Variants in FGD5 observed in about 807,000 individuals in gnomAD.
FGD5 encodes FYVE, RhoGEF and PH domain containing 5, also known as FYVE, RhoGEF and PH domain-containing protein 5.
In FGD5, 28 loss-of-function variants were observed where a neutral mutation model predicts 133.4. The observed-to-expected ratio is 0.21, with a 90% confidence interval of 0.16 to 0.29. The LOEUF (loss-of-function observed/expected upper bound fraction) is 0.29. Among genes scored for constraint, FGD5 ranks in the 10% least tolerant of loss-of-function variants. The probability of loss-of-function intolerance (pLI) is 1.00; values close to 1 mark genes in which losing one functional copy is unlikely to be tolerated. For synonymous variants in FGD5, 810 were observed against 776.5 expected, an observed-to-expected ratio of 1.04 and a Z score of -0.72; for missense variants, 1,858 against 1,895.2, an observed-to-expected ratio of 0.98 and a Z score of 0.36.
intron 11 of FGD5, among the ~76,000 whole-genome samples, chr3:14,913,471 C>A (rs1339736834): frequency 6.6e-6 from 1 of 152,180 alleles, no homozygotes; most frequent in Non-Finnish European, 1.5e-5. Context: ...GGGAGGCAGA[C>A]AGACCAGATG....
intron 18 of FGD5, among the ~76,000 whole-genome samples, chr3:14,926,771 A>G (rs532254941): frequency 6.6e-6 from 1 of 152,166 alleles, no homozygotes; most frequent in South Asian, 2.1e-4. Flanking sequence ...GCCCTGACCC[A>G]GGCTGAACCT....
intron 1 of FGD5, among the ~76,000 whole-genome samples, chr3:14,846,049 T>C (rs956199224): frequency 1.3e-5 from 2 of 152,200 alleles, no homozygotes; most frequent in Non-Finnish European, 2.9e-5. Flanking sequence ...AGTGACTGAT[T>C]GTTAGAAAAC....
chr3:14,907,604 C>T (rs915065556), intron 9 of FGD5, 36 bp from the exon 10 acceptor site: 4 of 1,600,856 alleles, frequency 2.5e-6, no homozygotes, highest in African/African-American at 2.7e-5. Context: ...GGTAGGGGCC[C>T]TGACCATCTC....
intron 1 of FGD5, among the ~76,000 whole-genome samples, chr3:14,846,066 C>T (rs1183388949): frequency 6.6e-6 from 1 of 152,152 alleles, no homozygotes; most frequent in East Asian, 1.9e-4. Context: ...AAACCTCTTC[C>T]CTATTTGATG....
At chr3:14,851,422 A>T (rs2037161173) in intron 1 of FGD5, among the ~76,000 whole-genome samples, 1 of 152,238 alleles carries the variant, frequency 6.6e-6, no homozygotes, top group African/African-American at 2.4e-5. Context: ...CCCAAAATGT[A>T]TGCCCTTTAC....
intron 4 of FGD5, among the ~76,000 whole-genome samples, chr3:14,892,097 C>G (rs891164215): frequency 6.6e-6 from 1 of 152,092 alleles, no homozygotes. Context: ...CTGGCCTTCA[C>G]TTGGGGAGAG....
intron 1 of FGD5, among the ~76,000 whole-genome samples, chr3:14,843,812 T>C (rs144040963): frequency 0.021 from 3,131 of 149,042 alleles, 97 homozygotes; most frequent in African/African-American, 0.073. Context: ...TGCCTCAACC[T>C]CCTGAGTAGC....
chr3:14,898,625 G>A (rs1445360241), intron 6 of FGD5, 114 bp from the exon 7 acceptor site: 1 of 833,980 alleles, frequency 1.2e-6, no homozygotes, highest in Non-Finnish European at 1.9e-6. Context: ...TGAGGGAGAA[G>A]TTCAGCTGGC....
At chr3:14,880,890 G>C in intron 4 of FGD5, 118 bp downstream of exon 4, 1 of 1,333,724 alleles carries the variant, frequency 7.5e-7, no homozygotes, top group East Asian at 2.5e-5. Context: ...CCTGGCAGCA[G>C]GCAGGCACTC....
At chr3:14,896,034 A>T (rs368607140) in intron 4 of FGD5, among the ~76,000 whole-genome samples, 1 of 152,228 alleles carries the variant, frequency 6.6e-6, no homozygotes, top group Non-Finnish European at 1.5e-5. Context: ...CCCATTTATC[A>T]TAGCTACAAA....
At chr3:14,890,459 A>G (rs971743427) in intron 4 of FGD5, among the ~76,000 whole-genome samples, 2 of 152,148 alleles carry the variant, frequency 1.3e-5, no homozygotes, top group African/African-American at 4.8e-5. Context: ...CTGAATGAAT[A>G]AAGGAATGAG....
intron 4 of FGD5, among the ~76,000 whole-genome samples, chr3:14,893,267 T>C (rs1242883980): frequency 6.6e-6 from 1 of 152,222 alleles, no homozygotes; most frequent in Admixed American, 6.5e-5. Context: ...ATCAGTGTAC[T>C]TGGAATATTT....
chr3:14,847,629 T>C (rs1212310633), intron 1 of FGD5, among the ~76,000 whole-genome samples: 1 of 152,230 alleles, frequency 6.6e-6, no homozygotes, highest in Non-Finnish European at 1.5e-5. Flanking sequence ...ACTGTTACTA[T>C]CCCTGCTTTA....
chr3:14,812,418 T>C (rs1437275979), intron 1 of FGD5, among the ~76,000 whole-genome samples: 1 of 152,220 alleles, frequency 6.6e-6, no homozygotes, highest in Non-Finnish European at 1.5e-5. Context: ...CGTTTCCAGT[T>C]TTCCCACGTT....
At chr3:14,874,875 A>G (rs2037685306) in intron 2 of FGD5, among the ~76,000 whole-genome samples, 1 of 152,204 alleles carries the variant, frequency 6.6e-6, no homozygotes, top group Admixed American at 6.5e-5. Flanking sequence ...ATGATCTGGA[A>G]ACTGACCAGC....
At chr3:14,847,292 C>T (rs2037068373) in intron 1 of FGD5, among the ~76,000 whole-genome samples, 1 of 152,182 alleles carries the variant, frequency 6.6e-6, no homozygotes, top group Admixed American at 6.5e-5. Context: ...TGAGATAGAG[C>T]AGGGTTTTAG....
intron 1 of FGD5, among the ~76,000 whole-genome samples, chr3:14,854,386 TC>T (rs771537027): frequency 7.0e-6 from 1 of 142,616 alleles, no homozygotes; most frequent in Non-Finnish European, 1.5e-5. Flanking sequence ...TTGTTTCTTT[TC>T]TTTTTATTTA....
rs752400662 is a variant in FGD5 at position 14,820,811 on chromosome 3, G to A, written c.1740G>A (p.Glu580=). Residue 580 remains glutamate (E), a synonymous_variant, in exon 1 of 20, where the codon GAG becomes GAA. Coordinates refer to ENST00000285046, the MANE Select transcript of FGD5 (RefSeq NM_152536.4). ...GLDDHRIKRK[E]DNLSLSCVIG... ...ATGACCACAGGATAAAGAGGAAAGA[G>A]GACAATCTCTCTCTGTCGTGTGTAA... The A allele has an allele frequency of 8.1e-6, 13 of 1,613,902 alleles. No homozygotes were observed. Among genetic ancestry groups the A allele is most frequent in the Non-Finnish European group, 8.5e-6 (10 of 1,179,864 alleles).
chr3:14,873,540 G>A (rs1030970206), intron 2 of FGD5, among the ~76,000 whole-genome samples: 1 of 152,128 alleles, frequency 6.6e-6, no homozygotes, highest in Non-Finnish European at 1.5e-5. Context: ...AATTAAGTGC[G>A]ATGGGGAGGG....
Sources: allele counts gnomAD v4.1 joint callset (sites outside exome capture counted in the v4.1 genomes callset), GRCh38; gene constraint gnomAD v4.1.1; transcripts MANE v1.5; gene names NCBI Gene and HGNC (gene_info 2026-07-23, HGNC 2026-07-21).